The following GRM7 variants were observed in gnomAD, a reference collection of about 807,000 sequenced individuals.
GRM7 encodes the protein metabotropic glutamate receptor 7.
In GRM7, 35 loss-of-function variants were observed where a neutral mutation model predicts 84.5. That is an observed-to-expected ratio of 0.41 (90% CI 0.32 to 0.55). The LOEUF is 0.55. GRM7 is among the 20% of genes least tolerant of loss of function. GRM7 has a pLI of 0.19. For synonymous variants in GRM7, 487 were observed against 455.1 expected (o/e 1.07, Z -0.89); for missense variants, 1,003 against 1,194.6 (o/e 0.84, Z 2.36).
chr3:7,416,616 G>T lies in GRM7; in HGVS notation c.1174+1453G>T, dbSNP rs183273943. On this transcript the variant is annotated intron_variant, in intron 5 of 9. Transcript: ENST00000357716. ...AGGAGAAATGTACAACATATGACCAGAAACATGAATAACAATAATGATATA... is the reference window on the plus strand; with the variant it reads ...AGGAGAAATGTACAACATATGACCATAAACATGAATAACAATAATGATATA... Among the ~76,000 whole-genome samples the T allele has an allele frequency of 2.6e-5, 4 of 152,172 alleles. No individual in the cohort carries two copies. The East Asian group carries it at 7.7e-4, about 29-fold the overall frequency.
chr3:7,234,784 A>G (rs1697297067), intron 2 of GRM7, among the ~76,000 whole-genome samples: 1 of 152,216 alleles, frequency 6.6e-6, no homozygotes, highest in Non-Finnish European at 1.5e-5. Context: ...GTCATGGTCA[A>G]GATATGGAAA....
At chr3:6,927,970 TC>T (rs1234819092) in intron 1 of GRM7, among the ~76,000 whole-genome samples, 2 of 152,230 alleles carry the variant, frequency 1.3e-5, no homozygotes, top group Non-Finnish European at 1.5e-5. Context: ...AGAACACATT[TC>T]TAAATATGTA....
chr3:7,501,941 C>T (rs1234847037), intron 7 of GRM7, among the ~76,000 whole-genome samples: 1 of 152,176 alleles, frequency 6.6e-6, no homozygotes, highest in Non-Finnish European at 1.5e-5. Flanking sequence ...TTCTATCCTA[C>T]GCAAGAATTT....
intron 2 of GRM7, among the ~76,000 whole-genome samples, chr3:7,278,492 A>C (rs569774554): frequency 6.6e-6 from 1 of 152,112 alleles, no homozygotes; most frequent in African/African-American, 2.4e-5. Context: ...AGCAAAGACT[A>C]TCTTGTTTCC....
At chr3:6,948,361 G>A (rs1402073723) in intron 1 of GRM7, among the ~76,000 whole-genome samples, 9 of 152,190 alleles carry the variant, frequency 5.9e-5, no homozygotes, top group East Asian at 3.8e-4. Flanking sequence ...GTAGCTGAGC[G>A]GTTTTGAGTG....
rs536966193 is a variant in GRM7 at position 7,019,396 on chromosome 3, C to G, written c.520-127056C>G. 1.1e-4 allele frequency among the ~76,000 whole-genome samples: 17 copies of G among 152,270 alleles called. No individual in the cohort carries two copies. The East Asian group carries it at 2.5e-3, about 22-fold the overall frequency. ...ATGATGTCGTGTCCGCTATTATAGT[C>G]TCATACAGAGTATTTTCACTGCTAT... On this transcript the variant is annotated intron_variant, in intron 1 of 9. Transcript: ENST00000357716.
chr3:7,021,198 C>A (rs544050649), intron 1 of GRM7, among the ~76,000 whole-genome samples: 1 of 152,158 alleles, frequency 6.6e-6, no homozygotes, highest in Non-Finnish European at 1.5e-5. Flanking sequence ...CAGTGACATT[C>A]AGGCAACATA....
intron 2 of GRM7, among the ~76,000 whole-genome samples, chr3:7,164,950 C>G (rs1362045587): frequency 6.6e-6 from 1 of 152,174 alleles, no homozygotes; most frequent in Non-Finnish European, 1.5e-5. Context: ...AAAAAGGAGT[C>G]TTCAGGGGTT....
rs765572434 is a variant in GRM7, at chr3:7,146,478, G to A, written c.546G>A (p.Thr182=). ...TCCCCCAGATTAGTTATGCATCAAC[G>A]GCACCCGAGCTAAGTGATGACCGGC... ...FQIPQISYAS[T]APELSDDRRY... is the part of the protein sequence containing the mutation. Residue 182 remains threonine (T), a synonymous_variant, in exon 2 of 10, where the codon ACG becomes ACA. Transcript: ENST00000357716. 11 of 1,613,512 alleles carry A rather than the reference G, an allele frequency of 6.8e-6. No individual in the cohort carries two copies. The highest frequency in any genetic ancestry group is 3.3e-5 in the South Asian group (3 of 91,024).
At chr3:7,061,857 A>C (rs2124970464) in intron 1 of GRM7, among the ~76,000 whole-genome samples, 1 of 151,902 alleles carries the variant, frequency 6.6e-6, no homozygotes, top group African/African-American at 2.4e-5. Flanking sequence ...TGTCCAACTA[A>C]GAGTAGATAT....
intron 4 of GRM7, among the ~76,000 whole-genome samples, chr3:7,368,634 A>G (rs1426843182): frequency 6.6e-6 from 1 of 152,160 alleles, no homozygotes; most frequent in African/African-American, 2.4e-5. Context: ...GAGTTTTAAC[A>G]GCAGATAAGC....
chr3:7,403,617 A>G (rs1695543759), intron 4 of GRM7, among the ~76,000 whole-genome samples: 1 of 97,392 alleles, frequency 1.0e-5, no homozygotes. Context: ...TATCTGAGTA[A>G]TTCTGATATA....
chr3:7,362,881 A>G (rs1273103331), intron 4 of GRM7, among the ~76,000 whole-genome samples: 1 of 152,086 alleles, frequency 6.6e-6, no homozygotes, highest in Non-Finnish European at 1.5e-5. Context: ...TAATCCCAGC[A>G]ATTTGCGAGG....
At chr3:7,668,370 C>T (rs1253292515) in intron 8 of GRM7, among the ~76,000 whole-genome samples, 1 of 152,236 alleles carries the variant, frequency 6.6e-6, no homozygotes, top group Non-Finnish European at 1.5e-5. Context: ...ATTTGCCACC[C>T]ACAGTGGCAG....
At chr3:7,236,550 C>A (rs531223697) in intron 2 of GRM7, among the ~76,000 whole-genome samples, 4 of 152,114 alleles carry the variant, frequency 2.6e-5, no homozygotes, top group Non-Finnish European at 5.9e-5. Context: ...TAGAATGTGG[C>A]GGAAGTAGAC....
At chr3:7,017,538 AAG>A (rs1695610425) in intron 1 of GRM7, among the ~76,000 whole-genome samples, 1 of 152,208 alleles carries the variant, frequency 6.6e-6, no homozygotes, top group Non-Finnish European at 1.5e-5. Flanking sequence ...AGTATGTAAA[AAG>A]TAATGCTGTG....
At chr3:7,285,665 C>T (rs573560180) in intron 2 of GRM7, among the ~76,000 whole-genome samples, 3 of 152,028 alleles carry the variant, frequency 2.0e-5, no homozygotes, top group East Asian at 1.9e-4. Flanking sequence ...AGAATGTGTG[C>T]GTTCTAGGAT....
chr3:7,389,689 T>TAAA (rs1185510389), intron 4 of GRM7, among the ~76,000 whole-genome samples: 1 of 152,144 alleles, frequency 6.6e-6, no homozygotes, highest in Non-Finnish European at 1.5e-5. Context: ...CTACTGTTTT[T>TAAA]GTTTTATATT....
At chr3:7,263,044 T>TA (rs1373656798) in intron 2 of GRM7, among the ~76,000 whole-genome samples, 2 of 152,248 alleles carry the variant, frequency 1.3e-5, no homozygotes, top group African/African-American at 2.4e-5. Context: ...TTACTCATTT[T>TA]TGTGGGCTGA....
Sources: allele counts gnomAD v4.1 joint callset (sites outside exome capture counted in the v4.1 genomes callset), GRCh38; gene constraint gnomAD v4.1.1; transcripts MANE v1.5; gene names NCBI Gene and HGNC (gene_info 2026-07-23, HGNC 2026-07-21).